The following UMODL1 variants were observed in gnomAD, a reference collection of about 807,000 sequenced individuals.
UMODL1 encodes the protein uromodulin like 1.
Under a neutral mutation model 136.3 loss-of-function variants are expected in UMODL1, and 128 were observed. That is an observed-to-expected ratio of 0.94 (90% CI 0.81 to 1.09). UMODL1 has a LOEUF of 1.09. Among genes scored for constraint, UMODL1 ranks in the 50% least tolerant of loss-of-function variants. UMODL1 has a pLI of 0.00. For synonymous variants in UMODL1, 721 were observed against 720.0 expected, an observed-to-expected ratio of 1.00 and a Z score of -0.02; for missense variants, 1,766 against 1,725.6, an observed-to-expected ratio of 1.02 and a Z score of -0.41.
intron 17 of UMODL1, among the ~76,000 whole-genome samples, chr21:42,124,421 G>A (rs114063612): frequency 0.024 from 3,582 of 152,270 alleles, 137 homozygotes; most frequent in African/African-American, 0.081. Context: ...GGCCAGCGTC[G>A]TTCCAAGGGT....
At chr21:42,063,044 C>T (rs2066154840) in exon 1 of UMODL1, 1 of 152,276 alleles carries the variant, frequency 6.6e-6, no homozygotes. Flanking sequence ...GCATCCCGGG[C>T]TCATTGTAGA....
chr21:42,104,534 C>T (rs1209297845), intron 9 of UMODL1, among the ~76,000 whole-genome samples: 1 of 151,932 alleles, frequency 6.6e-6, no homozygotes, highest in Non-Finnish European at 1.5e-5. Flanking sequence ...ACTGCAACCT[C>T]CGCCTCCTAG....
At chr21:42,137,895 A>C (rs1445324582) in intron 22 of UMODL1, among the ~76,000 whole-genome samples, 1 of 151,660 alleles carries the variant, frequency 6.6e-6, no homozygotes, top group African/African-American at 2.4e-5. Flanking sequence ...CCAAGGGTAG[A>C]TATGTGTGTG....
chr21:42,080,199 C>T (rs1234135303), intron 2 of UMODL1, among the ~76,000 whole-genome samples: 1 of 152,220 alleles, frequency 6.6e-6, no homozygotes, highest in Non-Finnish European at 1.5e-5. Context: ...AGGTTGGCTC[C>T]TTGGAGCTGG....
chr21:42,069,608 T>C (rs2066212147), upstream of UMODL1, among the ~76,000 whole-genome samples: 1 of 152,164 alleles, frequency 6.6e-6, no homozygotes, highest in Admixed American at 6.5e-5. Flanking sequence ...TTTTCTCACC[T>C]ATATAATAGG....
At chr21:42,138,370 C>T (rs1293433330) in intron 22 of UMODL1, among the ~76,000 whole-genome samples, 1 of 152,156 alleles carries the variant, frequency 6.6e-6, no homozygotes, top group Non-Finnish European at 1.5e-5. Context: ...GGACCCCCCA[C>T]ACCTTGCTGC....
At chr21:42,064,757 T>C (rs898645433) in intron 1 of UMODL1, among the ~76,000 whole-genome samples, 34 of 152,306 alleles carry the variant, frequency 2.2e-4, no homozygotes, top group African/African-American at 7.9e-4. Context: ...GTTTTTGCCA[T>C]GTTGGCCAGA....
chr21:42,064,189 C>T (rs1395514464), intron 1 of UMODL1, among the ~76,000 whole-genome samples: 2 of 152,114 alleles, frequency 1.3e-5, no homozygotes, highest in Non-Finnish European at 2.9e-5. Context: ...CTCTGCAGGT[C>T]CCTCCTCTGA....
rs2066987577 is a variant in UMODL1, at chr21:42,122,584, CATG to C, written c.2828-246_2828-244del. Among the ~76,000 whole-genome samples, 6 of 74,452 alleles carry C rather than the reference CATG, an allele frequency of 8.1e-5. No individual in the cohort carries two copies. The Admixed American group carries it at 8.3e-4, about 10-fold the overall frequency. The allele number at this position is 74,452 out of a possible 152,430, so 48.8% of individuals were successfully genotyped here. ...CTGCACGTGTGTGCGTGCGTGTGTG[CATG>C]TGTGTGCATGTGTGTGCATCTCTGC... On this transcript the variant is annotated intron_variant, in intron 16 of 22. Coordinates refer to ENST00000408910, the MANE Select transcript of UMODL1 (RefSeq NM_001004416.3). The surrounding 1 kb of genome is among the most constrained non-coding windows in gnomAD (Gnocchi z 4.3).
chr21:42,135,102 T>G (rs1044073108), intron 21 of UMODL1, among the ~76,000 whole-genome samples: 3 of 152,230 alleles, frequency 2.0e-5, no homozygotes, highest in Non-Finnish European at 4.4e-5. Context: ...AAGCAGCCAT[T>G]GCTGAATTTC....
chr21:42,108,420 GC>G (rs1291014689), intron 9 of UMODL1: 2 of 483,842 alleles, frequency 4.1e-6, no homozygotes, highest in Non-Finnish European at 8.5e-6. Context: ...CAGCTGACGA[GC>G]TTGCTGTTCT....
intron 9 of UMODL1, among the ~76,000 whole-genome samples, chr21:42,104,613 C>T (rs1038428071): frequency 2.0e-5 from 3 of 152,152 alleles, no homozygotes; most frequent in African/African-American, 7.2e-5. Context: ...CCACGCCTGG[C>T]TAATTTTTGT....
Position 42,111,653 on chromosome 21 carries a change from G to C in UMODL1, c.2047G>C (p.Gly683Arg). Residue 683 changes from glycine (G) to arginine (R), a missense_variant, in exon 12 of 23, where the codon GGT (glycine) becomes CGT (arginine). Transcript: ENST00000408910. ...WLRNEDSGPSGSVDLPLTSTL... is the reference protein window; with the variant it reads ...WLRNEDSGPSRSVDLPLTSTL... Reference sequence around the variant, plus strand: ...GCGAAATGAGGACAGTGGACCCTCCGGTTCTGTAGACCTGCCATTGACCTC... The same window carrying C: ...GCGAAATGAGGACAGTGGACCCTCCCGTTCTGTAGACCTGCCATTGACCTC... 3 of 1,614,012 alleles carry C rather than the reference G, an allele frequency of 1.9e-6. No homozygotes were observed. Among genetic ancestry groups the C allele is most frequent in the Non-Finnish European group, 2.5e-6 (3 of 1,179,972 alleles).
Position 42,085,370 on chromosome 21 carries a change from G to A in UMODL1, c.561G>A (p.Val187=). ...VKMDFKELQQ[V]DPRLLNHMRL... ...TGGACTTCAAGGAACTCCAGCAAGT[G>A]GACCCCAGGCTCCTGAACCACATGC... Residue 187 remains valine (V), a synonymous_variant, in exon 4 of 23, where the codon GTG becomes GTA. Coordinates refer to ENST00000408910, the MANE Select transcript of UMODL1 (RefSeq NM_001004416.3). The surrounding 1 kb of genome is among the most constrained non-coding windows in gnomAD (Gnocchi z 4.5). The A allele has an allele frequency of 1.2e-6, 2 of 1,614,070 alleles. No individual in the cohort carries two copies. The highest frequency in any genetic ancestry group is 1.7e-6 in the Non-Finnish European group (2 of 1,179,992).
At chr21:42,111,261 A>G (rs761494693) in intron 11 of UMODL1, 140 bp downstream of exon 11, 2 of 1,415,496 alleles carry the variant, frequency 1.4e-6, no homozygotes, top group African/African-American at 1.5e-5. Context: ...AGCACCAGCC[A>G]GGGGAGCCCC....
intron 6 of UMODL1, among the ~76,000 whole-genome samples, chr21:42,092,941 C>T (rs897139262): frequency 2.0e-4 from 30 of 152,164 alleles, no homozygotes; most frequent in African/African-American, 6.8e-4. Context: ...TGAAGACGCA[C>T]ATGAACCAGC....
chr21:42,127,652 C>T lies in UMODL1; in HGVS notation c.3531-20C>T, dbSNP rs764451552. ...CGGGGCTCGCTGACAAGCAAGGAGT[C>T]CCATTTCCTCTCTTCTCAGCTGCCC... On this transcript the variant is annotated intron_variant, in intron 19 of 22. Coordinates refer to ENST00000408910, the MANE Select transcript of UMODL1 (RefSeq NM_001004416.3). 13 of 1,607,066 alleles carry T rather than the reference C, an allele frequency of 8.1e-6. No homozygotes were observed. In the African/African-American group the frequency reaches 1.1e-4, roughly 13 times the overall value.
chr21:42,082,800 G>T (rs939124882), intron 2 of UMODL1, among the ~76,000 whole-genome samples: 1 of 152,214 alleles, frequency 6.6e-6, no homozygotes, highest in Non-Finnish European at 1.5e-5. Flanking sequence ...CTGGGGTTCG[G>T]TTTCTTCTCC....
intron 1 of UMODL1, among the ~76,000 whole-genome samples, chr21:42,075,266 C>T (rs1437286148): frequency 6.6e-6 from 1 of 151,582 alleles, no homozygotes; most frequent in African/African-American, 2.4e-5. Flanking sequence ...ACCATGTTGG[C>T]CGGGCTGGTC....
Sources: allele counts gnomAD v4.1 joint callset (sites outside exome capture counted in the v4.1 genomes callset), GRCh38; gene constraint gnomAD v4.1.1; non-coding constraint Gnocchi (gnomAD v3.1); transcripts MANE v1.5; gene names NCBI Gene and HGNC (gene_info 2026-07-23, HGNC 2026-07-21).